Variants in ATP10B observed in about 807,000 individuals in gnomAD.
The protein encoded by ATP10B is phospholipid-transporting ATPase VB.
ATP10B carries 122 observed loss-of-function variants against 141.2 expected under a neutral mutation model. The ratio of observed to expected loss-of-function variants is 0.86; its 90% CI spans 0.75 to 1.00. The LOEUF (loss-of-function observed/expected upper bound fraction) is 1.00. ATP10B is among the 50% of genes least tolerant of loss of function. ATP10B has a pLI of 0.00. For synonymous variants in ATP10B, 685 were observed against 692.0 expected (o/e 0.99, Z 0.16); for missense variants, 1,876 against 1,825.3 (o/e 1.03, Z -0.51).
At chr5:160,635,872 T>C (rs6877601) in intron 11 of ATP10B, among the ~76,000 whole-genome samples, 133,028 of 152,200 alleles carry the variant, frequency 0.87, 58,334 homozygotes, top group African/African-American at 0.91. Flanking sequence ...AGATCATTCA[T>C]GTTTTATCTG....
At chr5:160,916,095 T>C in the ATP10B span, among the ~76,000 whole-genome samples, 1 of 152,056 alleles carries the variant, frequency 6.6e-6, no homozygotes, top group Non-Finnish European at 1.5e-5. Flanking sequence ...TTATAACAAC[T>C]CTTGAGTTAT....
chr5:160,650,563 C>T (rs1451310616), intron 7 of ATP10B, among the ~76,000 whole-genome samples: 2 of 152,110 alleles, frequency 1.3e-5, no homozygotes, highest in Admixed American at 1.3e-4. Context: ...AAAGGAACTC[C>T]CCAAATCCTT....
At chr5:160,693,852 C>T (rs1010318906) in intron 3 of ATP10B, among the ~76,000 whole-genome samples, 3 of 152,242 alleles carry the variant, frequency 2.0e-5, no homozygotes, top group African/African-American at 7.2e-5. Flanking sequence ...CAATGCTCGC[C>T]TGCCACTTAC....
At chr5:160,667,143 G>A (rs1454402335) in intron 7 of ATP10B, among the ~76,000 whole-genome samples, 7 of 152,154 alleles carry the variant, frequency 4.6e-5, no homozygotes, top group Non-Finnish European at 2.9e-5. Context: ...GCGTGAACCC[G>A]GGAGGCGGAG....
chr5:160,645,083 C>T (rs1455136957), intron 8 of ATP10B, among the ~76,000 whole-genome samples: 8 of 149,250 alleles, frequency 5.4e-5, no homozygotes, highest in Admixed American at 3.4e-4. Context: ...CTCCTTTGCA[C>T]TCCAGCCTGG....
intron 2 of ATP10B, among the ~76,000 whole-genome samples, chr5:160,777,787 G>T (rs1423088179): frequency 6.6e-6 from 1 of 152,176 alleles, no homozygotes; most frequent in Non-Finnish European, 1.5e-5. Context: ...AAAAGGAAAA[G>T]ATTTAAATCA....
At chr5:160,778,769 T>C (rs1461911088) in intron 2 of ATP10B, among the ~76,000 whole-genome samples, 2 of 152,198 alleles carry the variant, frequency 1.3e-5, no homozygotes, top group African/African-American at 4.8e-5. Flanking sequence ...GTTGTCAAAA[T>C]ATTTAGGAGA....
At chr5:160,908,335 T>C in the ATP10B span, among the ~76,000 whole-genome samples, 8 of 152,206 alleles carry the variant, frequency 5.3e-5, no homozygotes, top group East Asian at 1.4e-3. Flanking sequence ...CATAATGAAA[T>C]AAGCACACAA....
At chr5:160,886,457 T>G in the ATP10B span, among the ~76,000 whole-genome samples, 3 of 152,120 alleles carry the variant, frequency 2.0e-5, no homozygotes, top group Non-Finnish European at 4.4e-5. Flanking sequence ...GCTATGTGTG[T>G]GTTTGTATTG....
chr5:160,734,748 A>G (rs909908712), intron 2 of ATP10B, among the ~76,000 whole-genome samples: 11 of 152,072 alleles, frequency 7.2e-5, no homozygotes, highest in Non-Finnish European at 1.3e-4. Context: ...AGTAAATAAC[A>G]AAATAGTAGA....
the ATP10B span, among the ~76,000 whole-genome samples, chr5:160,865,338 C>T: frequency 1.3e-5 from 2 of 151,974 alleles, no homozygotes; most frequent in East Asian, 3.9e-4. Flanking sequence ...ACACTCTATT[C>T]AATAAATGGT....
the ATP10B span, among the ~76,000 whole-genome samples, chr5:160,887,533 G>A: frequency 6.6e-6 from 1 of 152,114 alleles, no homozygotes; most frequent in South Asian, 2.1e-4. Context: ...ACTCACAATT[G>A]GCCCCCATTT....
the ATP10B span, among the ~76,000 whole-genome samples, chr5:160,873,753 G>A: frequency 6.6e-6 from 1 of 152,232 alleles, no homozygotes; most frequent in Admixed American, 6.5e-5. Flanking sequence ...GTCCCTTTCC[G>A]AGTCAAAGAA....
chr5:160,569,048 G>T lies in ATP10B; in HGVS notation c.3938+448C>A, dbSNP rs552003829. Reference sequence around the variant, plus strand: ...ATGTTTGACTTGATCTTTCCTTGTGGCCATGATAGAAGCTGAGAAGCTCTT... The same window carrying T: ...ATGTTTGACTTGATCTTTCCTTGTGTCCATGATAGAAGCTGAGAAGCTCTT... On this transcript the variant is annotated intron_variant, in intron 25 of 25. Transcript: ENST00000327245. Among the ~76,000 whole-genome samples, 33 of 152,290 alleles carry T rather than the reference G, an allele frequency of 2.2e-4. No homozygotes were observed. In the South Asian group the frequency reaches 6.6e-3, roughly 31 times the overall value.
chr5:160,877,440 C>CA, the ATP10B span, among the ~76,000 whole-genome samples: 104 of 143,370 alleles, frequency 7.3e-4, 1 homozygote, highest in African/African-American at 2.3e-3. Flanking sequence ...ACTGAATGGG[C>CA]AAAAACTGGA....
In ATP10B at chr5:160,607,035, GA is replaced by G; in HGVS notation, c.2889del (p.Arg964ValfsTer40). 6.2e-7 allele frequency: 1 copy of G among 1,614,112 alleles called. No individual in the cohort carries two copies. Among genetic ancestry groups the G allele is most frequent in the Non-Finnish European group, 8.5e-7 (1 of 1,180,006 alleles). On this transcript the variant is annotated frameshift_variant, in exon 19 of 26. Transcript: ENST00000327245. LOFTEE classifies it high-confidence loss of function. ...LNCALEELKQFRELQKPDRKL... is the reference protein window; with the variant it reads ...LNCALEELKQXRELQKPDRKL... ...TTGCGGTCTGGCTTCTGTAGTTCAC[GA>G]AATTGCTTTAGCTCTTCCAATGCAC...
chr5:160,771,115 G>T (rs563507778), intron 2 of ATP10B, among the ~76,000 whole-genome samples: 1 of 152,202 alleles, frequency 6.6e-6, no homozygotes, highest in Non-Finnish European at 1.5e-5. Flanking sequence ...ACCCTCAGAA[G>T]TATGCACAGT....
rs1581119873 is a variant in ATP10B, at chr5:160,564,146, G to C, written c.*1307C>G. The stretch of plus-strand genomic sequence containing the variant: ...GGCTCAAAGACTCACCACACTTATT[G>C]CATCTATTTCTGTACTTTTTGCCTA... On this transcript the variant is annotated 3_prime_UTR_variant, in exon 26 of 26. Transcript: ENST00000327245. The C allele has an allele frequency of 6.6e-6, 1 of 152,110 alleles. No homozygotes were observed. Among genetic ancestry groups the C allele is most frequent in the Non-Finnish European group, 1.5e-5 (1 of 68,016 alleles). The allele number at this position is 152,110 out of a possible 1,614,324, so 9.4% of individuals were successfully genotyped here. A position where few individuals can be genotyped will look rare whatever the true frequency, so the allele number is the denominator to read the frequency against.
chr5:160,622,271 T>G, intron 14 of ATP10B, 123 bp downstream of exon 14: 1 of 921,192 alleles, frequency 1.1e-6, no homozygotes. Context: ...TGTGATGAAA[T>G]GACACTGTTG....
Sources: allele counts gnomAD v4.1 joint callset (sites outside exome capture counted in the v4.1 genomes callset), GRCh38; gene constraint gnomAD v4.1.1; transcripts MANE v1.5; gene names NCBI Gene and HGNC (gene_info 2026-07-23, HGNC 2026-07-21).